The following GAS7 variants were observed in gnomAD, a reference collection of about 807,000 sequenced individuals.
The protein encoded by GAS7 is growth arrest-specific protein 7.
In GAS7, 28 loss-of-function variants were observed where a neutral mutation model predicts 71.1. The observed-to-expected ratio is 0.39, with a 90% CI of 0.29 to 0.54. The LOEUF (loss-of-function observed/expected upper bound fraction) is 0.54. GAS7 is among the 20% of genes least tolerant of loss of function. The probability of loss-of-function intolerance (pLI) is 0.62; values close to 1 mark genes in which losing one functional copy is unlikely to be tolerated. For missense variants in GAS7, 436 were observed against 627.8 expected (o/e 0.69, Z 3.27); for synonymous variants, 258 against 245.8 (o/e 1.05, Z -0.46).
At chr17:10,042,427 G>A (rs1434273668) in intron 1 of GAS7, among the ~76,000 whole-genome samples, 1 of 152,072 alleles carries the variant, frequency 6.6e-6, no homozygotes, top group East Asian at 1.9e-4. Flanking sequence ...TAGGGTACAG[G>A]GTCTCAGGGA....
rs950381175 is a variant in GAS7 at position 10,180,985 on chromosome 17, G to A, written c.183+17223C>T. Among the ~76,000 whole-genome samples, 3 of 148,562 alleles carry A rather than the reference G, an allele frequency of 2.0e-5. No homozygotes were observed. The East Asian group carries it at 6.1e-4, about 30-fold the overall frequency. ...TCAAGGATTCCACAATGTAGTGGGT[G>A]GCAACAAAATTCCAACCCAGTAGGG... On this transcript the variant is annotated intron_variant, in intron 1 of 13. Coordinates refer to ENST00000432992, the MANE Select transcript of GAS7 (RefSeq NM_201433.2).
Position 9,943,146 on chromosome 17 carries a change from C to T in GAS7, c.706G>A (p.Glu236Lys). The change falls in exon 7 of 14, where the codon GAA becomes AAA. Residue 236 changes from glutamate (E) to lysine (K), a missense_variant. Glu to Lys is a moderately conservative substitution (Grantham distance 56). Coordinates refer to ENST00000432992, the MANE Select transcript of GAS7 (RefSeq NM_201433.2). ...KQLKGKQMQKEMSEFIRERIK... is the reference protein window; with the variant it reads ...KQLKGKQMQKKMSEFIRERIK... ...CTTTCCCGGATGAATTCTGACATTT[C>T]CTTCTGCATTTGTTTGCCCTTCAGC... 6.2e-7 allele frequency: 1 copy of T among 1,611,708 alleles called. No homozygotes were observed. The highest frequency in any genetic ancestry group is 1.3e-5 in the African/African-American group (1 of 75,022).
rs1370364877 is a variant in GAS7 at position 9,981,850 on chromosome 17, C to A, written c.339G>T (p.Gly113=). 6.2e-7 allele frequency: 1 copy of A among 1,604,928 alleles called. No homozygotes were observed. Among genetic ancestry groups the A allele is most frequent in the African/African-American group, 1.3e-5 (1 of 74,754 alleles). ...TGTGAGAGCCAGGGCTGGCTGGAAT[C>A]CCAGGAGAACTGCTGGGACGTTCCC... The part of the protein sequence containing the change: ...TTWERPSSSP[G]IPASPGSHRS... Residue 113 remains glycine, a synonymous_variant, in exon 3 of 14, where the codon GGG becomes GGT. Coordinates refer to ENST00000432992, the MANE Select transcript of GAS7 (RefSeq NM_201433.2). The surrounding 1 kb of genome is among the most constrained non-coding windows in gnomAD (Gnocchi z 4.4).
At chr17:10,092,633 T>C (rs1465801799) in intron 1 of GAS7, among the ~76,000 whole-genome samples, 1 of 152,210 alleles carries the variant, frequency 6.6e-6, no homozygotes, top group Non-Finnish European at 1.5e-5. Context: ...ATCACAAACC[T>C]CTTGGCTTCA....
chr17:10,098,873 G>A (rs989573118), intron 1 of GAS7, among the ~76,000 whole-genome samples: 10 of 152,126 alleles, frequency 6.6e-5, no homozygotes, highest in African/African-American at 1.4e-4. Flanking sequence ...GCAGAATGGC[G>A]TGAACCCGGT....
rs745310762 is a variant in GAS7 at position 9,940,251 on chromosome 17, G to A, written c.732-51C>T. 11 of 1,406,300 alleles carry A rather than the reference G, an allele frequency of 7.8e-6. No homozygotes were observed. The Admixed American group carries it at 1.8e-4, about 24-fold the overall frequency. 87.1% of individuals were successfully genotyped at this position (1,406,300 alleles called of 1,614,324 possible). A position where few individuals can be genotyped will look rare whatever the true frequency, so the allele number is the denominator to read the frequency against. On this transcript the variant is annotated intron_variant, in intron 7 of 13. Transcript: ENST00000432992. Reference sequence around the variant, plus strand: ...CATCAGCTCTCCAGTGCCAGATCGTGGGTCTGCCCTGCTGCCCTGCACACC... The same window carrying A: ...CATCAGCTCTCCAGTGCCAGATCGTAGGTCTGCCCTGCTGCCCTGCACACC...
intron 2 of GAS7, among the ~76,000 whole-genome samples, chr17:9,995,097 G>T (rs897657594): frequency 6.6e-6 from 1 of 152,190 alleles, no homozygotes; most frequent in Admixed American, 6.5e-5. Flanking sequence ...TCACAGTATC[G>T]TCTCTGCCCT....
rs530413085 is a variant in GAS7, at chr17:10,063,997, C to T, written c.184-44100G>A. On this transcript the variant is annotated intron_variant, in intron 1 of 13. Transcript: ENST00000432992. ...ATTTTAGCACGAGCGCTCGTCCCCA[C>T]TTCCCTTTTCCATTTCCCAACATGG... 6.4e-4 allele frequency among the ~76,000 whole-genome samples: 97 copies of T among 152,336 alleles called. 1 individual carries two copies. The Middle Eastern group carries it at 0.014, about 21-fold the overall frequency.
At chr17:9,976,337 C>A (rs922487480) in intron 3 of GAS7, among the ~76,000 whole-genome samples, 9 of 152,256 alleles carry the variant, frequency 5.9e-5, no homozygotes, top group African/African-American at 2.2e-4. Context: ...GGTGTCAGGG[C>A]CTTCCCTGGA....
intron 1 of GAS7, chr17:10,036,508 G>C: frequency 6.2e-7 from 1 of 1,611,584 alleles, no homozygotes; most frequent in East Asian, 2.2e-5. Context: ...GAAGCCCTCA[G>C]ACTCAGCACC....
chr17:10,101,894 C>T (rs1472020377), intron 1 of GAS7, among the ~76,000 whole-genome samples: 1 of 152,122 alleles, frequency 6.6e-6, no homozygotes, highest in Non-Finnish European at 1.5e-5. Context: ...GCCAGGCTGC[C>T]TGGTACATGG....
intron 3 of GAS7, among the ~76,000 whole-genome samples, chr17:9,976,529 C>G (rs903808891): frequency 6.6e-6 from 1 of 152,228 alleles, no homozygotes; most frequent in East Asian, 1.9e-4. Flanking sequence ...GAGCCCCCTC[C>G]CCAGAGAGCC....
intron 1 of GAS7, among the ~76,000 whole-genome samples, chr17:10,065,674 G>A (rs1004156968): frequency 3.9e-5 from 6 of 152,238 alleles, no homozygotes; most frequent in Admixed American, 2.6e-4. Context: ...CATTGTACCT[G>A]CAAAGACTCT....
intron 1 of GAS7, among the ~76,000 whole-genome samples, chr17:10,031,653 T>C (rs2072620951): frequency 6.6e-6 from 1 of 152,186 alleles, no homozygotes. Flanking sequence ...TTTATGGTCG[T>C]TGCACCTGCT....
intron 1 of GAS7, among the ~76,000 whole-genome samples, chr17:10,193,334 T>C (rs565316926): frequency 8.0e-5 from 12 of 149,358 alleles, no homozygotes; most frequent in Admixed American, 7.3e-4. Context: ...TTTACCTCCC[T>C]CTTGGGGTTC....
chr17:9,958,971 T>A, intron 5 of GAS7: 2 of 1,408,496 alleles, frequency 1.4e-6, no homozygotes, highest in Non-Finnish European at 1.8e-6. Flanking sequence ...ATCCCAGCCA[T>A]CCTCCTTCCA....
rs200505487 is a variant in GAS7, at chr17:9,917,190, C to G, written c.*38G>C. 1.5e-5 allele frequency: 18 copies of G among 1,231,036 alleles called. No individual in the cohort carries two copies. The Admixed American group carries it at 2.5e-4, about 17-fold the overall frequency. 76.3% of individuals were successfully genotyped at this position (1,231,036 alleles called of 1,614,324 possible). A position where few individuals can be genotyped will look rare whatever the true frequency, so the allele number is the denominator to read the frequency against. Reference sequence around the variant, plus strand: ...GGCCCCATGGTGGGAGCCCAGCCCCCCTCCCCAGCAGGACCCCCCGAAGCT... The same window carrying G: ...GGCCCCATGGTGGGAGCCCAGCCCCGCTCCCCAGCAGGACCCCCCGAAGCT... On this transcript the variant is annotated 3_prime_UTR_variant, in exon 14 of 14. Transcript: ENST00000432992.
chr17:10,145,582 T>TGCA (rs758919911), intron 1 of GAS7, among the ~76,000 whole-genome samples: 15 of 152,204 alleles, frequency 9.9e-5, no homozygotes, highest in Non-Finnish European at 1.9e-4. Flanking sequence ...TCTGAGTTCC[T>TGCA]GCAGCAGCAG....
intron 1 of GAS7, among the ~76,000 whole-genome samples, chr17:10,027,254 GAAT>G (rs1475936055): frequency 2.6e-5 from 4 of 152,132 alleles, no homozygotes; most frequent in African/African-American, 9.7e-5. Flanking sequence ...ATGAATGAAT[GAAT>G]GAGTGAATGA....
Sources: gnomAD v4.1 joint callset for allele counts (sites outside exome capture counted in the v4.1 genomes callset) on GRCh38, gnomAD v4.1.1 for gene constraint, Gnocchi (gnomAD v3.1) non-coding constraint, MANE v1.5 for transcripts, NCBI Gene and HGNC (gene_info 2026-07-23, HGNC 2026-07-21) for gene names.